The following CCSER1 variants were observed in gnomAD, a reference collection of about 807,000 sequenced individuals.
CCSER1 encodes the protein serine-rich coiled-coil domain-containing protein 1.
A neutral mutation model predicts 82.0 loss-of-function variants in CCSER1; 41 were observed. That is an observed-to-expected ratio of 0.50 (90% CI 0.39 to 0.65). The LOEUF (loss-of-function observed/expected upper bound fraction) is 0.65, where lower values mean the gene tolerates loss of function less well. Ranked by LOEUF, CCSER1 falls within the 30% of genes least tolerant of loss-of-function variation. The pLI, the probability that CCSER1 is intolerant of heterozygous loss-of-function variation, is 0.00. For missense variants in CCSER1, 1,119 were observed against 1,064.2 expected (o/e 1.05, Z -0.72); for synonymous variants, 414 against 383.9 (o/e 1.08, Z -0.92).
chr4:90,751,869 T>C (rs1748718363), intron 7 of CCSER1, among the ~76,000 whole-genome samples: 1 of 152,108 alleles, frequency 6.6e-6, no homozygotes, highest in South Asian at 2.1e-4. Context: ...TTAAAAAGTA[T>C]AGGATATAAG....
chr4:90,855,620 A>G (rs1008336550), intron 8 of CCSER1, among the ~76,000 whole-genome samples: 1 of 152,206 alleles, frequency 6.6e-6, no homozygotes, highest in African/African-American at 2.4e-5. Flanking sequence ...TTATTTTTTC[A>G]CCAGCCTTTT....
At chr4:90,777,741 C>T (rs976035303) in intron 7 of CCSER1, among the ~76,000 whole-genome samples, 1 of 151,866 alleles carries the variant, frequency 6.6e-6, no homozygotes, top group African/African-American at 2.4e-5. Context: ...GAATTTTCAG[C>T]GTATTGTACA....
At chr4:90,429,768 G>T (rs1199485455) in intron 4 of CCSER1, among the ~76,000 whole-genome samples, 1 of 151,738 alleles carries the variant, frequency 6.6e-6, no homozygotes, top group Admixed American at 6.6e-5. Flanking sequence ...AGATTATGTG[G>T]CTTGTCAAAA....
intron 6 of CCSER1, among the ~76,000 whole-genome samples, chr4:90,654,570 T>A (rs941961497): frequency 5.9e-5 from 9 of 152,110 alleles, no homozygotes; most frequent in African/African-American, 7.2e-5. Context: ...TGCGATTTTT[T>A]AAAAATCTGC....
intron 10 of CCSER1, among the ~76,000 whole-genome samples, chr4:91,523,270 GT>G (rs1760591798): frequency 6.6e-6 from 1 of 152,150 alleles, no homozygotes. Context: ...GCTGTATTTG[GT>G]TTGCCAGTAT....
At chr4:91,534,059 A>T (rs920985056) in intron 10 of CCSER1, among the ~76,000 whole-genome samples, 6 of 152,050 alleles carry the variant, frequency 3.9e-5, no homozygotes, top group Non-Finnish European at 8.8e-5. Context: ...GCAACTGTAG[A>T]TTATCTCTAG....
At chr4:90,172,098 T>C (rs1305143052) in intron 1 of CCSER1, among the ~76,000 whole-genome samples, 1 of 151,902 alleles carries the variant, frequency 6.6e-6, no homozygotes, top group African/African-American at 2.4e-5. Context: ...GAAAAGGCCA[T>C]GCTCTTTGCT....
At chr4:91,221,783 T>C (rs1737766825) in intron 10 of CCSER1, among the ~76,000 whole-genome samples, 2 of 152,114 alleles carry the variant, frequency 1.3e-5, no homozygotes, top group African/African-American at 2.4e-5. Context: ...CTCATATATA[T>C]GCTCTAATGC....
intron 9 of CCSER1, among the ~76,000 whole-genome samples, chr4:91,028,255 T>G (rs1200560934): frequency 6.6e-6 from 1 of 151,980 alleles, no homozygotes; most frequent in African/African-American, 2.4e-5. Context: ...CATATACTTA[T>G]CAGAATGGAG....
intron 1 of CCSER1, among the ~76,000 whole-genome samples, chr4:90,263,820 G>A (rs1724764217): frequency 6.6e-6 from 1 of 152,086 alleles, no homozygotes; most frequent in Non-Finnish European, 1.5e-5. Flanking sequence ...GAGGGGCATG[G>A]CCAACTGCTA....
At chr4:90,815,016 A>G (rs567638658) in intron 7 of CCSER1, among the ~76,000 whole-genome samples, 4 of 152,204 alleles carry the variant, frequency 2.6e-5, no homozygotes, top group Admixed American at 6.5e-5. Flanking sequence ...CCATTTTCAC[A>G]TTGCAATAAA....
intron 1 of CCSER1, among the ~76,000 whole-genome samples, chr4:90,173,608 G>GTGA (rs1373355363): frequency 1.3e-5 from 2 of 151,940 alleles, no homozygotes; most frequent in Non-Finnish European, 2.9e-5. Context: ...CCTGTAATAT[G>GTGA]TGATTAAGGT....
chr4:90,580,217 G>T (rs1056772922), intron 5 of CCSER1, among the ~76,000 whole-genome samples: 1 of 151,998 alleles, frequency 6.6e-6, no homozygotes, highest in African/African-American at 2.4e-5. Context: ...ATTATCTGTG[G>T]AATTAACAAA....
intron 1 of CCSER1, among the ~76,000 whole-genome samples, chr4:90,152,107 CAG>C (rs1002086338): frequency 4.6e-5 from 7 of 152,124 alleles, no homozygotes; most frequent in Non-Finnish European, 1.0e-4. Context: ...TTAAACAACA[CAG>C]GGGATTTCTT....
chr4:91,287,046 T>A (rs1451709075), intron 10 of CCSER1, among the ~76,000 whole-genome samples: 1 of 151,840 alleles, frequency 6.6e-6, no homozygotes, highest in Non-Finnish European at 1.5e-5. Context: ...CTATTCAGAA[T>A]CAGATAGCAG....
intron 10 of CCSER1, among the ~76,000 whole-genome samples, chr4:91,533,346 T>TTTG: frequency 6.6e-6 from 1 of 152,146 alleles, no homozygotes; most frequent in Non-Finnish European, 1.5e-5. Context: ...AAGCCATAAG[T>TTTG]TTTCCTATGA....
rs971420853 is a variant in CCSER1, at chr4:91,553,414, A to G, written c.2218-45158A>G. On this transcript the variant is annotated intron_variant, in intron 10 of 10. Transcript: ENST00000509176. ...TATCAGGGTCATTCTGGCCTCATAA[A>G]ATGAGTTTGAAAGCATTCCCTCTTC... is the stretch of plus-strand genomic sequence containing the variant. 2.0e-4 allele frequency among the ~76,000 whole-genome samples: 30 copies of G among 151,506 alleles called. 1 individual carries two copies. The highest frequency in any genetic ancestry group is 6.1e-4 in the African/African-American group (25 of 41,192).
intron 1 of CCSER1, among the ~76,000 whole-genome samples, chr4:90,241,916 T>C (rs1310996146): frequency 6.6e-6 from 1 of 152,230 alleles, no homozygotes; most frequent in African/African-American, 2.4e-5. Context: ...TATGAAATTG[T>C]ATTCTAAGAA....
At chr4:90,730,641 A>G (rs1744534950) in intron 7 of CCSER1, among the ~76,000 whole-genome samples, 1 of 152,112 alleles carries the variant, frequency 6.6e-6, no homozygotes. Context: ...GAAGGATAGA[A>G]AGTGGCACTG....
Sources: allele counts gnomAD v4.1 joint callset (sites outside exome capture counted in the v4.1 genomes callset), GRCh38; gene constraint gnomAD v4.1.1; transcripts MANE v1.5; gene names NCBI Gene and HGNC (gene_info 2026-07-23, HGNC 2026-07-21).